Variants in SLC35F4 observed in about 807,000 individuals in gnomAD.
SLC35F4 encodes solute carrier family 35 member F4.
In SLC35F4, 24 loss-of-function variants were observed where a neutral mutation model predicts 44.2. That is an observed-to-expected ratio of 0.54 (90% CI 0.39 to 0.76). SLC35F4 has a LOEUF of 0.76. Ranked by LOEUF, SLC35F4 falls within the 30% of genes least tolerant of loss-of-function variation. The pLI is 0.00. For synonymous variants in SLC35F4, 238 were observed against 223.6 expected (o/e 1.06, Z -0.57); for missense variants, 562 against 586.1 (o/e 0.96, Z 0.42).
chr14:57,629,436 T>C (rs1210435284), intron 1 of SLC35F4, among the ~76,000 whole-genome samples: 1 of 152,082 alleles, frequency 6.6e-6, no homozygotes, highest in Non-Finnish European at 1.5e-5. Context: ...TATATAAATG[T>C]AAATGTGACT....
chr14:57,783,834 C>A (rs1490549251), intron 1 of SLC35F4, among the ~76,000 whole-genome samples: 2 of 152,130 alleles, frequency 1.3e-5, no homozygotes, highest in Admixed American at 1.3e-4. Context: ...TCATAAGAAT[C>A]TTTAAGGCTC....
At chr14:57,585,014 A>G (rs1195734040) in intron 3 of SLC35F4, among the ~76,000 whole-genome samples, 1 of 152,220 alleles carries the variant, frequency 6.6e-6, no homozygotes, top group Admixed American at 6.5e-5. Flanking sequence ...GGAATCAAAT[A>G]TAAAATATCT....
rs535511601 is a variant in SLC35F4, at chr14:57,979,688, C to A, written n.151+2225G>T. 2.0e-5 allele frequency among the ~76,000 whole-genome samples: 3 copies of A among 152,342 alleles called. No homozygotes were observed. The South Asian group carries it at 6.2e-4, about 32-fold the overall frequency. ...GCTTCTTCCTTTTGACCCTGGAAGCCAGTGCTAAGATGCACTTCCCAAGAT... is the reference window on the plus strand; with the variant it reads ...GCTTCTTCCTTTTGACCCTGGAAGCAAGTGCTAAGATGCACTTCCCAAGAT... On this transcript the variant is annotated intron_variant and non_coding_transcript_variant, in intron 1 of 1. Coordinates refer to the SLC35F4 transcript ENST00000554648.
downstream of SLC35F4, among the ~76,000 whole-genome samples, chr14:57,971,993 A>C (rs1881065564): frequency 6.6e-6 from 1 of 152,220 alleles, no homozygotes; most frequent in African/African-American, 2.4e-5. Flanking sequence ...CCTTGCTGAG[A>C]GGCTTGTGTT....
At chr14:57,717,803 A>G (rs1246408156) in intron 1 of SLC35F4, among the ~76,000 whole-genome samples, 1 of 152,246 alleles carries the variant, frequency 6.6e-6, no homozygotes, top group Non-Finnish European at 1.5e-5. Context: ...TGTAATAATC[A>G]TAACATGGAA....
intron 2 of SLC35F4, among the ~76,000 whole-genome samples, chr14:57,591,713 G>GT (rs1368876435): frequency 6.6e-6 from 1 of 152,184 alleles, no homozygotes; most frequent in Non-Finnish European, 1.5e-5. Context: ...TTTCAGACTA[G>GT]TTTGGGAAAA....
chr14:57,884,949 AT>A (rs1397464468), intron 1 of SLC35F4, among the ~76,000 whole-genome samples: 1 of 152,100 alleles, frequency 6.6e-6, no homozygotes, highest in Non-Finnish European at 1.5e-5. Context: ...CATATCAAAT[AT>A]TTTTCTAAAG....
intron 1 of SLC35F4, among the ~76,000 whole-genome samples, chr14:57,956,926 A>C (rs950487688): frequency 6.6e-6 from 1 of 152,196 alleles, no homozygotes; most frequent in African/African-American, 2.4e-5. Flanking sequence ...TTGACCCAGC[A>C]ATCCCATCAC....
intron 7 of SLC35F4, among the ~76,000 whole-genome samples, chr14:57,565,924 A>G (rs2068183382): frequency 6.6e-6 from 1 of 152,210 alleles, no homozygotes; most frequent in Admixed American, 6.5e-5. Flanking sequence ...CAGATAATCC[A>G]TTTGCATTAC....
chr14:57,688,561 C>T (rs1957693), intron 1 of SLC35F4, among the ~76,000 whole-genome samples: 35,723 of 152,040 alleles, frequency 0.23, 4,182 homozygotes, highest in South Asian at 0.31. Context: ...TGGAAAAGAC[C>T]TTCAAGATGA....
At chr14:57,676,846 CAG>C in intron 1 of SLC35F4, among the ~76,000 whole-genome samples, 1 of 152,140 alleles carries the variant, frequency 6.6e-6, no homozygotes, top group South Asian at 2.1e-4. Flanking sequence ...CTGTGGAAAA[CAG>C]TGTGGAGATT....
chr14:57,598,702 A>G (rs949935969), intron 1 of SLC35F4, among the ~76,000 whole-genome samples: 1 of 152,206 alleles, frequency 6.6e-6, no homozygotes, highest in Non-Finnish European at 1.5e-5. Flanking sequence ...TTTATCTCCT[A>G]TGGGCACAAA....
chr14:57,926,796 ACT>A (rs1889583544), intron 1 of SLC35F4, among the ~76,000 whole-genome samples: 1 of 151,622 alleles, frequency 6.6e-6, no homozygotes, highest in Non-Finnish European at 1.5e-5. Context: ...AAGTTGAATG[ACT>A]CACACACCCT....
intron 1 of SLC35F4, among the ~76,000 whole-genome samples, chr14:57,652,761 CAG>C (rs1417805603): frequency 1.3e-5 from 2 of 151,918 alleles, no homozygotes; most frequent in Admixed American, 6.6e-5. Context: ...GTCAACAGTG[CAG>C]AGTGTGAAAA....
At chr14:57,879,669 A>G (rs1045688428) in intron 1 of SLC35F4, among the ~76,000 whole-genome samples, 1 of 152,090 alleles carries the variant, frequency 6.6e-6, no homozygotes, top group Non-Finnish European at 1.5e-5. Context: ...ATTCAAGCAC[A>G]TCCTCCATTA....
chr14:57,669,448 C>T (rs373331470), intron 1 of SLC35F4, among the ~76,000 whole-genome samples: 14 of 152,016 alleles, frequency 9.2e-5, no homozygotes, highest in African/African-American at 3.1e-4. Flanking sequence ...GCCCATTCAG[C>T]ATGATATTGG....
intron 1 of SLC35F4, among the ~76,000 whole-genome samples, chr14:57,911,661 T>C (rs1167204746): frequency 1.3e-5 from 2 of 152,070 alleles, no homozygotes; most frequent in Non-Finnish European, 2.9e-5. Flanking sequence ...GTATAATTCT[T>C]TTTATACATT....
chr14:57,720,003 G>A (rs2076045044), intron 1 of SLC35F4, among the ~76,000 whole-genome samples: 1 of 151,968 alleles, frequency 6.6e-6, no homozygotes, highest in Non-Finnish European at 1.5e-5. Context: ...AGTTTTTTGA[G>A]GGTTTTTATT....
chr14:57,902,439 T>C (rs758266540), intron 1 of SLC35F4, among the ~76,000 whole-genome samples: 8 of 151,868 alleles, frequency 5.3e-5, no homozygotes, highest in Non-Finnish European at 1.2e-4. Context: ...AGCGCATGCC[T>C]GTAATCCCAG....
Sources: gnomAD v4.1 joint callset for allele counts (sites outside exome capture counted in the v4.1 genomes callset) on GRCh38, gnomAD v4.1.1 for gene constraint, MANE v1.5 for transcripts, NCBI Gene and HGNC (gene_info 2026-07-23, HGNC 2026-07-21) for gene names.